The following CSMD1 variants were observed in gnomAD, a reference collection of about 807,000 sequenced individuals.
CSMD1 encodes CUB and Sushi multiple domains 1.
Under a neutral mutation model 417.5 loss-of-function variants are expected in CSMD1, and 213 were observed. The ratio of observed to expected loss-of-function variants is 0.51; its 90% CI spans 0.46 to 0.57. The LOEUF (loss-of-function observed/expected upper bound fraction) is 0.57, where lower values mean the gene tolerates loss of function less well. Among genes scored for constraint, CSMD1 ranks in the 20% least tolerant of loss-of-function variants. The probability of loss-of-function intolerance (pLI) is 0.00; values close to 1 mark genes in which losing one functional copy is unlikely to be tolerated. For synonymous variants in CSMD1, 2,862 were observed against 1,736.8 expected (o/e 1.65, Z -16.11); for missense variants, 6,923 against 4,529.7 (o/e 1.53, Z -15.17).
intron 3 of CSMD1, among the ~76,000 whole-genome samples, chr8:4,203,784 A>G (rs1174459647): frequency 2.0e-5 from 3 of 152,158 alleles, no homozygotes; most frequent in Non-Finnish European, 4.4e-5. Flanking sequence ...ACATATACAT[A>G]AGCTAATTTG....
chr8:4,319,020 C>A (rs146390828), intron 3 of CSMD1, among the ~76,000 whole-genome samples: 1 of 152,118 alleles, frequency 6.6e-6, no homozygotes, highest in African/African-American at 2.4e-5. Flanking sequence ...TCTAACAAAG[C>A]GGCTTGAAGG....
In CSMD1 at chr8:4,707,600, GA is replaced by G. The variant is rs561672062; in HGVS notation, c.86-70043del. 1.8e-3 allele frequency among the ~76,000 whole-genome samples: 268 copies of G among 152,146 alleles called. 3 individuals carry two copies. The highest frequency in any genetic ancestry group is 6.2e-3 in the African/African-American group (259 of 41,504). On this transcript the variant is annotated intron_variant, in intron 1 of 69. Coordinates refer to ENST00000635120, the MANE Select transcript of CSMD1 (RefSeq NM_033225.6). ...ACTGCAAACGAGCAACAAGAGAGGG[GA>G]AAGAGCCAGCCATGATGGCTCACTC...
intron 10 of CSMD1, among the ~76,000 whole-genome samples, chr8:3,520,309 A>G (rs1449177390): frequency 2.6e-5 from 4 of 152,188 alleles, no homozygotes; most frequent in East Asian, 1.9e-4. Flanking sequence ...ATGTTGAAGA[A>G]CTGGCTTTGA....
At chr8:3,902,726 G>C (rs1468109393) in intron 5 of CSMD1, among the ~76,000 whole-genome samples, 2 of 152,078 alleles carry the variant, frequency 1.3e-5, no homozygotes, top group Non-Finnish European at 2.9e-5. Context: ...ATGGCCCCGG[G>C]ATTAGAGACC....
intron 3 of CSMD1, among the ~76,000 whole-genome samples, chr8:4,182,844 G>T (rs1280111305): frequency 6.6e-6 from 1 of 152,062 alleles, no homozygotes; most frequent in Non-Finnish European, 1.5e-5. Flanking sequence ...TCTAATTATT[G>T]AGACAGAAAT....
intron 37 of CSMD1, among the ~76,000 whole-genome samples, chr8:3,174,058 A>G (rs1820751487): frequency 6.6e-6 from 1 of 152,234 alleles, no homozygotes; most frequent in South Asian, 2.1e-4. Context: ...AGTGAAAACA[A>G]GAATTAAGGA....
intron 50 of CSMD1, among the ~76,000 whole-genome samples, chr8:3,046,011 G>A (rs912499527): frequency 1.3e-5 from 2 of 152,170 alleles, no homozygotes; most frequent in Non-Finnish European, 2.9e-5. Flanking sequence ...CACGATGTGG[G>A]TGGGGCTCCA....
chr8:4,957,889 T>C (rs1010248725), intron 1 of CSMD1, among the ~76,000 whole-genome samples: 13 of 152,302 alleles, frequency 8.5e-5, no homozygotes, highest in East Asian at 7.7e-4. Context: ...GAAGTGTGGA[T>C]TGATAAAGCT....
intron 1 of CSMD1, among the ~76,000 whole-genome samples, chr8:4,700,025 AG>A (rs1274408742): frequency 6.6e-6 from 1 of 152,234 alleles, no homozygotes; most frequent in African/African-American, 2.4e-5. Context: ...AATCTTAGAA[AG>A]CTTCACAAAG....
At chr8:3,191,079 T>G (rs1438686305) in intron 33 of CSMD1, among the ~76,000 whole-genome samples, 1 of 152,194 alleles carries the variant, frequency 6.6e-6, no homozygotes, top group Non-Finnish European at 1.5e-5. Context: ...AGAGGGTAGA[T>G]TTTTCTAATG....
intron 3 of CSMD1, among the ~76,000 whole-genome samples, chr8:4,373,494 G>C (rs1022731914): frequency 6.6e-6 from 1 of 152,060 alleles, no homozygotes; most frequent in Non-Finnish European, 1.5e-5. Flanking sequence ...TCCTAAAAAA[G>C]TTTATTTAGC....
chr8:3,271,401 G>A (rs1251347576), intron 26 of CSMD1, among the ~76,000 whole-genome samples: 1 of 151,874 alleles, frequency 6.6e-6, no homozygotes, highest in Admixed American at 6.6e-5. Context: ...GTGTACATGT[G>A]TCTTTATAGC....
At position 3,897,937 on chromosome 8, in the gene CSMD1, T is replaced by A. The variant is rs187004080; in HGVS notation, c.818+99966A>T. On this transcript the variant is annotated intron_variant, in intron 5 of 69. Transcript: ENST00000635120. ...GATACAGTGTATGTTTAGATATAGTTATATAATCACCAAATGAAGACACAA... is the reference window on the plus strand; with the variant it reads ...GATACAGTGTATGTTTAGATATAGTAATATAATCACCAAATGAAGACACAA... Among the ~76,000 whole-genome samples, 71 of 152,300 alleles carry A rather than the reference T, an allele frequency of 4.7e-4. 1 individual carries two copies. The highest frequency in any genetic ancestry group is 4.9e-4 in the Non-Finnish European group (33 of 68,018).
chr8:4,816,307 G>A, intron 1 of CSMD1, among the ~76,000 whole-genome samples: 1 of 152,006 alleles, frequency 6.6e-6, no homozygotes, highest in Middle Eastern at 3.4e-3. Context: ...GCCTCAGCCT[G>A]CCAAGTAGCT....
intron 3 of CSMD1, among the ~76,000 whole-genome samples, chr8:4,379,326 C>G (rs1328347340): frequency 6.6e-6 from 1 of 152,174 alleles, no homozygotes; most frequent in African/African-American, 2.4e-5. Context: ...GACTAATTAG[C>G]TGTCACAAAT....
intron 49 of CSMD1, among the ~76,000 whole-genome samples, chr8:3,082,603 C>G (rs192719625): frequency 3.7e-4 from 56 of 152,322 alleles, no homozygotes; most frequent in African/African-American, 1.3e-3. Context: ...GTGCGTAACT[C>G]AGAGCTAAGT....
At chr8:4,893,615 A>T (rs1804277491) in intron 1 of CSMD1, among the ~76,000 whole-genome samples, 1 of 152,184 alleles carries the variant, frequency 6.6e-6, no homozygotes, top group Non-Finnish European at 1.5e-5. Context: ...TTCTGCAATA[A>T]GATATGCTAA....
intron 2 of CSMD1, among the ~76,000 whole-genome samples, chr8:4,442,617 A>C (rs942766114): frequency 6.6e-6 from 1 of 152,188 alleles, no homozygotes; most frequent in South Asian, 2.1e-4. Flanking sequence ...AAACAGAAGC[A>C]AGCCCTCTGG....
At chr8:3,532,042 T>G (rs577215225) in intron 10 of CSMD1, among the ~76,000 whole-genome samples, 1 of 152,334 alleles carries the variant, frequency 6.6e-6, no homozygotes, top group Non-Finnish European at 1.5e-5. Context: ...TCATGCCCTG[T>G]CTAGATCAGA....
Sources: allele counts gnomAD v4.1 joint callset (sites outside exome capture counted in the v4.1 genomes callset), GRCh38; gene constraint gnomAD v4.1.1; transcripts MANE v1.5; gene names NCBI Gene and HGNC (gene_info 2026-07-23, HGNC 2026-07-21).